EPB41L2: variants seen among roughly 807,000 people sequenced by gnomAD.
EPB41L2 encodes erythrocyte membrane protein band 4.1 like 2.
EPB41L2 carries 43 observed loss-of-function variants against 113.0 expected under a neutral mutation model. The ratio of observed to expected loss-of-function variants is 0.38; its 90% confidence interval spans 0.30 to 0.49. The LOEUF (loss-of-function observed/expected upper bound fraction) is 0.49. EPB41L2 is among the 20% of genes least tolerant of loss of function. EPB41L2 has a pLI of 0.95. For missense variants in EPB41L2, 1,147 were observed against 1,223.4 expected (o/e 0.94, Z 0.93); for synonymous variants, 442 against 436.7 (o/e 1.01, Z -0.15).
At chr6:130,874,495 C>T (rs1015015694) in intron 14 of EPB41L2, among the ~76,000 whole-genome samples, 3 of 151,898 alleles carry the variant, frequency 2.0e-5, no homozygotes, top group Admixed American at 6.5e-5. Flanking sequence ...AAAACACTCC[C>T]GTAGACAAAT....
At chr6:131,051,452 C>CAAAAAAAAAAAA (rs547631535) in intron 1 of EPB41L2, among the ~76,000 whole-genome samples, 1 of 101,794 alleles carries the variant, frequency 9.8e-6, no homozygotes. Flanking sequence ...AAAAGTAAAG[C>CAAAAAAAAAAAA]AAAAAAAAAA....
At chr6:131,017,949 T>C (rs1361028688) in intron 1 of EPB41L2, among the ~76,000 whole-genome samples, 1 of 152,250 alleles carries the variant, frequency 6.6e-6, no homozygotes, top group Non-Finnish European at 1.5e-5. Context: ...ATGCTCTATT[T>C]TGCTACTAGG....
intron 14 of EPB41L2, among the ~76,000 whole-genome samples, chr6:130,875,172 G>A (rs1011167496): frequency 1.3e-5 from 2 of 152,026 alleles, no homozygotes; most frequent in African/African-American, 2.4e-5. Context: ...ACCCTGCTAC[G>A]TGTTCTGATG....
intron 1 of EPB41L2, among the ~76,000 whole-genome samples, chr6:130,957,448 G>T (rs184431612): frequency 1.3e-5 from 2 of 152,224 alleles, no homozygotes; most frequent in East Asian, 3.9e-4. Flanking sequence ...AATAATAAGT[G>T]CCCAGAGTCC....
intron 1 of EPB41L2, among the ~76,000 whole-genome samples, chr6:131,035,717 C>G (rs910198975): frequency 6.6e-6 from 1 of 152,140 alleles, no homozygotes; most frequent in African/African-American, 2.4e-5. Context: ...AAGACTTTAC[C>G]TCTCTAAATT....
intron 1 of EPB41L2, among the ~76,000 whole-genome samples, chr6:130,979,422 G>A (rs943687277): frequency 6.6e-6 from 1 of 151,468 alleles, no homozygotes; most frequent in Non-Finnish European, 1.5e-5. Context: ...TTGAACCCAG[G>A]AGGTGGAGGC....
At chr6:131,014,770 GAAGAT>G (rs1468238830) in intron 1 of EPB41L2, among the ~76,000 whole-genome samples, 1 of 152,148 alleles carries the variant, frequency 6.6e-6, no homozygotes, top group Non-Finnish European at 1.5e-5. Context: ...TGATTCAAGA[GAAGAT>G]AAAAGAGTAT....
At chr6:130,882,902 T>G (rs1259468703) in intron 12 of EPB41L2, 1 of 152,674 alleles carries the variant, frequency 6.5e-6, no homozygotes, top group Non-Finnish European at 1.5e-5. Context: ...AGTCTTCCCA[T>G]GGATGGGAGA....
intron 10 of EPB41L2, among the ~76,000 whole-genome samples, chr6:130,891,167 T>A (rs1792697706): frequency 6.6e-6 from 1 of 152,204 alleles, no homozygotes; most frequent in African/African-American, 2.4e-5. Context: ...TCAGAGCTCT[T>A]AATTTATTAA....
At chr6:130,850,577 G>A (rs1444476876) in intron 19 of EPB41L2, among the ~76,000 whole-genome samples, 6 of 152,128 alleles carry the variant, frequency 3.9e-5, no homozygotes, top group African/African-American at 1.4e-4. Flanking sequence ...GTCTACATGT[G>A]TGTATATTTA....
intron 1 of EPB41L2, 144 bp from the exon 2 acceptor site, chr6:130,956,643 C>T (rs920967353): frequency 4.9e-6 from 4 of 809,948 alleles, no homozygotes; most frequent in Non-Finnish European, 7.5e-6. Flanking sequence ...GATTCAAAAG[C>T]ACAAGACAAA....
At chr6:131,011,509 G>T (rs1786965217) in intron 1 of EPB41L2, among the ~76,000 whole-genome samples, 1 of 152,090 alleles carries the variant, frequency 6.6e-6, no homozygotes, top group Non-Finnish European at 1.5e-5. Context: ...TTGTATTTCG[G>T]CTTTCTATTT....
chr6:130,918,823 T>C (rs1032564988), intron 4 of EPB41L2, among the ~76,000 whole-genome samples: 2 of 152,154 alleles, frequency 1.3e-5, no homozygotes, highest in South Asian at 4.1e-4. Context: ...AAAGGAAAGA[T>C]CCTTACATCA....
At chr6:130,908,519 A>G (rs556812676) in intron 5 of EPB41L2, among the ~76,000 whole-genome samples, 22 of 152,344 alleles carry the variant, frequency 1.4e-4, no homozygotes, top group African/African-American at 5.3e-4. Flanking sequence ...TAAAATTTAC[A>G]TAGAAAGTAA....
intron 4 of EPB41L2, among the ~76,000 whole-genome samples, chr6:130,921,323 T>C (rs558009266): frequency 2.6e-5 from 4 of 152,276 alleles, no homozygotes; most frequent in African/African-American, 9.6e-5. Context: ...CAAAGAATGA[T>C]ATTTGCTTAT....
intron 3 of EPB41L2, among the ~76,000 whole-genome samples, chr6:130,946,182 T>C (rs1057146601): frequency 6.6e-6 from 1 of 152,162 alleles, no homozygotes; most frequent in Non-Finnish European, 1.5e-5. Flanking sequence ...AAACAGTACC[T>C]ACCACAAAGA....
At chr6:130,854,987 G>T (rs963436426) in intron 19 of EPB41L2, among the ~76,000 whole-genome samples, 9 of 152,242 alleles carry the variant, frequency 5.9e-5, no homozygotes, top group Admixed American at 5.9e-4. Flanking sequence ...GCAGTGGGTT[G>T]AGATCACACC....
At chr6:130,916,264 T>C (rs1334843221) in intron 4 of EPB41L2, among the ~76,000 whole-genome samples, 1 of 152,206 alleles carries the variant, frequency 6.6e-6, no homozygotes, top group Non-Finnish European at 1.5e-5. Flanking sequence ...AATCTTTCTA[T>C]TAGTTAATTA....
At chr6:130,992,183 C>T (rs1167605979) in intron 1 of EPB41L2, among the ~76,000 whole-genome samples, 1 of 152,128 alleles carries the variant, frequency 6.6e-6, no homozygotes, top group African/African-American at 2.4e-5. Context: ...AAGATTCACA[C>T]TCACACATTT....
Sources: gnomAD v4.1 joint callset for allele counts (sites outside exome capture counted in the v4.1 genomes callset) on GRCh38, gnomAD v4.1.1 for gene constraint, MANE v1.5 for transcripts, NCBI Gene and HGNC (gene_info 2026-07-23, HGNC 2026-07-21) for gene names.